The following CELF2 variants were observed in gnomAD, a reference collection of about 807,000 sequenced individuals.
CELF2 encodes CUGBP Elav-like family member 2.
Under a neutral mutation model 62.6 loss-of-function variants are expected in CELF2, and 8 were observed. The observed-to-expected ratio is 0.13, with a 90% CI of 0.07 to 0.23. CELF2 has a LOEUF of 0.23. CELF2 is among the 10% of genes least tolerant of loss of function. CELF2 has a pLI of 1.00. For synonymous variants in CELF2, 258 were observed against 250.0 expected (o/e 1.03, Z -0.30); for missense variants, 333 against 671.0 (o/e 0.50, Z 5.56).
the CELF2 span, among the ~76,000 whole-genome samples, chr10:10,531,256 C>T: frequency 6.6e-6 from 1 of 152,158 alleles, no homozygotes; most frequent in Non-Finnish European, 1.5e-5. Flanking sequence ...GAAACAAGTT[C>T]AGACATTTTT....
chr10:11,059,146 A>G (rs1051227020), intron 1 of CELF2, among the ~76,000 whole-genome samples: 1 of 152,192 alleles, frequency 6.6e-6, no homozygotes, highest in African/African-American at 2.4e-5. Flanking sequence ...AGCGCCCTCC[A>G]CTAGTAAACA....
chr10:10,919,854 G>A, intron 1 of CELF2: 1 of 635,228 alleles, frequency 1.6e-6, no homozygotes, highest in South Asian at 8.2e-5. Flanking sequence ...TGCATGTACG[G>A]TATCTTCTTT....
At chr10:10,953,840 C>T (rs934298065) in intron 2 of CELF2, among the ~76,000 whole-genome samples, 2 of 150,256 alleles carry the variant, frequency 1.3e-5, no homozygotes, top group Admixed American at 6.6e-5. Flanking sequence ...AATGACAAAC[C>T]AGAAAAAAAA....
At chr10:10,518,386 T>C in the CELF2 span, among the ~76,000 whole-genome samples, 1 of 152,196 alleles carries the variant, frequency 6.6e-6, no homozygotes, top group African/African-American at 2.4e-5. Context: ...ATAAAGGAAA[T>C]AGACAGTAGA....
chr10:10,871,449 C>T (rs975675901), intron 1 of CELF2, among the ~76,000 whole-genome samples: 3 of 152,130 alleles, frequency 2.0e-5, no homozygotes, highest in Non-Finnish European at 4.4e-5. Flanking sequence ...TTTTACATAA[C>T]ACAGTCTGAA....
At chr10:10,744,473 C>T in the CELF2 span, among the ~76,000 whole-genome samples, 131 of 152,220 alleles carry the variant, frequency 8.6e-4, no homozygotes, top group Non-Finnish European at 6.2e-4. Context: ...TAATTATTCC[C>T]AAGTAAGGAT....
intron 1 of CELF2, among the ~76,000 whole-genome samples, chr10:11,148,843 A>AACACACACACACACACACACACACAC (rs58567770): frequency 1.4e-3 from 205 of 146,906 alleles, no homozygotes; most frequent in African/African-American, 2.4e-3. Flanking sequence ...TCTTAAACCA[A>AACACACACACACACACACACACACAC]ACACACACAC....
At chr10:10,860,343 G>A (rs1482481952) in intron 1 of CELF2, among the ~76,000 whole-genome samples, 3 of 152,114 alleles carry the variant, frequency 2.0e-5, no homozygotes, top group Non-Finnish European at 1.5e-5. Context: ...AGGGTCTCTA[G>A]GACCCACAGG....
At chr10:11,292,200 G>T (rs545488352) in intron 9 of CELF2, among the ~76,000 whole-genome samples, 1 of 152,106 alleles carries the variant, frequency 6.6e-6, no homozygotes, top group Admixed American at 6.5e-5. Flanking sequence ...TTCCTTGAAG[G>T]CTGTGACAAA....
chr10:11,290,943 A>T lies in CELF2; in HGVS notation c.976+2391A>T, dbSNP rs1311107640. Among the ~76,000 whole-genome samples, 1 of 152,246 alleles carries T rather than the reference A, an allele frequency of 6.6e-6. No individual in the cohort carries two copies. The highest frequency in any genetic ancestry group is 1.5e-5 in the Non-Finnish European group (1 of 68,030). On this transcript the variant is annotated intron_variant, in intron 9 of 12. Transcript: ENST00000633077. The surrounding 1 kb of genome is among the most constrained non-coding windows in gnomAD (Gnocchi z 4.3). ...TTAAGTGAAAGTAAATTATTTGTCT[A>T]ATTTCCATCAGGGACTTTTTGAAAG...
intron 9 of CELF2, among the ~76,000 whole-genome samples, chr10:11,291,262 A>G (rs529955259): frequency 5.6e-4 from 85 of 152,304 alleles, no homozygotes; most frequent in African/African-American, 1.9e-3. Flanking sequence ...CAATCCCCCA[A>G]ACTGTTAATT....
the CELF2 span, among the ~76,000 whole-genome samples, chr10:10,640,979 T>C: frequency 6.6e-6 from 1 of 152,112 alleles, no homozygotes; most frequent in Admixed American, 6.5e-5. Flanking sequence ...TATAAGTCAA[T>C]GACATGAGTA....
At position 10,972,630 on chromosome 10, in the gene CELF2, C is replaced by T. The variant is rs912954616; in HGVS notation, c.89+52631C>T. ...ATTGATGATTCTCAGTCCCGGTCTCCATGACTGACCTTGCTGTGTCCTTCA... is the reference window on the plus strand; with the variant it reads ...ATTGATGATTCTCAGTCCCGGTCTCTATGACTGACCTTGCTGTGTCCTTCA... On this transcript the variant is annotated intron_variant, in intron 2 of 13. Coordinates refer to the CELF2 transcript ENST00000636488. This position sits in a 1 kb window ranked among gnomAD's most constrained non-coding sequence, Gnocchi z 4.4. Among the ~76,000 whole-genome samples the T allele has an allele frequency of 6.6e-6, 1 of 152,220 alleles. No homozygotes were observed. Among genetic ancestry groups the T allele is most frequent in the Non-Finnish European group, 1.5e-5 (1 of 68,042 alleles).
chr10:10,940,695 A>G (rs1163418845), intron 2 of CELF2, among the ~76,000 whole-genome samples: 1 of 152,220 alleles, frequency 6.6e-6, no homozygotes, highest in Non-Finnish European at 1.5e-5. Context: ...CTCATTATGT[A>G]CATAGTAGTT....
At chr10:10,818,203 T>TA (rs1164146203) in intron 1 of CELF2, among the ~76,000 whole-genome samples, 3 of 152,198 alleles carry the variant, frequency 2.0e-5, no homozygotes, top group Non-Finnish European at 4.4e-5. Flanking sequence ...TTTGTGTTAA[T>TA]ACGCATTCAC....
intron 2 of CELF2, among the ~76,000 whole-genome samples, chr10:10,967,133 T>C (rs181014820): frequency 2.0e-5 from 3 of 152,280 alleles, no homozygotes; most frequent in African/African-American, 7.2e-5. Flanking sequence ...AGGGTGTTTA[T>C]GGACAGAAAA....
At chr10:11,147,557 T>A (rs754173814) in intron 1 of CELF2, among the ~76,000 whole-genome samples, 2 of 152,146 alleles carry the variant, frequency 1.3e-5, no homozygotes, top group Non-Finnish European at 2.9e-5. Flanking sequence ...CCCATAAGCT[T>A]TTTGGAGTGT....
At chr10:11,188,972 T>G (rs537566379) in intron 2 of CELF2, among the ~76,000 whole-genome samples, 1 of 152,348 alleles carries the variant, frequency 6.6e-6, no homozygotes, top group East Asian at 1.9e-4. Flanking sequence ...GTTTCGGATC[T>G]TTCTTAGATC....
chr10:11,027,916 T>G (rs962038802), intron 1 of CELF2, among the ~76,000 whole-genome samples: 7 of 152,174 alleles, frequency 4.6e-5, no homozygotes, highest in African/African-American at 1.7e-4. Context: ...AACCTAAATA[T>G]TTTATAGCTT....
Sources: allele counts gnomAD v4.1 joint callset (sites outside exome capture counted in the v4.1 genomes callset), GRCh38; gene constraint gnomAD v4.1.1; non-coding constraint Gnocchi (gnomAD v3.1); transcripts MANE v1.5; gene names NCBI Gene and HGNC (gene_info 2026-07-23, HGNC 2026-07-21).